Variants in DPP6 observed in about 807,000 individuals in gnomAD.
DPP6 encodes dipeptidyl peptidase like 6, also known as A-type potassium channel modulatory protein DPP6.
A neutral mutation model predicts 122.6 loss-of-function variants in DPP6; 69 were observed. The ratio of observed to expected loss-of-function variants is 0.56; its 90% CI spans 0.46 to 0.69. DPP6 has a LOEUF of 0.69. DPP6 is among the 30% of genes least tolerant of loss of function. The probability of loss-of-function intolerance (pLI) is 0.00; values close to 1 mark genes in which losing one functional copy is unlikely to be tolerated. For missense variants in DPP6, 928 were observed against 1,116.9 expected (o/e 0.83, Z 2.41); for synonymous variants, 418 against 433.1 (o/e 0.97, Z 0.43).
rs1190824151 is a variant in DPP6 at position 154,062,968 on chromosome 7, G to C, written c.243+9905G>C. On this transcript the variant is annotated intron_variant, in intron 1 of 25. Coordinates refer to ENST00000377770, the MANE Select transcript of DPP6 (RefSeq NM_130797.4). ...GAAATTTCAAATCTTCCGACGGCAG[G>C]TACCTTACGTGGAATTACTGAGAGC... Among the ~76,000 whole-genome samples the C allele has an allele frequency of 3.0e-5, 4 of 132,782 alleles. 1 individual carries two copies. Among genetic ancestry groups the C allele is most frequent in the African/African-American group, 1.1e-4 (4 of 36,390 alleles). The allele number at this position is 132,782 out of a possible 152,430, so 87.1% of individuals were successfully genotyped here.
chr7:154,006,693 G>A (rs1157209399), intron 1 of DPP6, among the ~76,000 whole-genome samples: 1 of 152,152 alleles, frequency 6.6e-6, no homozygotes, highest in African/African-American at 2.4e-5. Flanking sequence ...CGAGGCTATG[G>A]TTGTATTTGC....
chr7:154,579,711 C>T (rs1831922590), intron 5 of DPP6, among the ~76,000 whole-genome samples: 1 of 152,152 alleles, frequency 6.6e-6, no homozygotes, highest in Non-Finnish European at 1.5e-5. Context: ...CAGAGAGGAA[C>T]AGAGGCAGAT....
intron 8 of DPP6, among the ~76,000 whole-genome samples, chr7:154,728,979 AT>A (rs1476559232): frequency 1.3e-5 from 2 of 152,124 alleles, no homozygotes; most frequent in African/African-American, 2.4e-5. Context: ...CAATATATGA[AT>A]TTGGGGGGAC....
At chr7:154,872,416 T>C (rs1584946565) in intron 18 of DPP6, among the ~76,000 whole-genome samples, 2 of 152,198 alleles carry the variant, frequency 1.3e-5, no homozygotes, top group East Asian at 1.9e-4. Flanking sequence ...TTCAGAGAAA[T>C]GAAGCTTCAC....
chr7:154,180,442 C>A (rs1291828026), intron 1 of DPP6, among the ~76,000 whole-genome samples: 1 of 140,994 alleles, frequency 7.1e-6, no homozygotes, highest in Non-Finnish European at 1.5e-5. Context: ...TATATATACA[C>A]ATTTATATAT....
At chr7:154,727,979 A>C (rs1459842558) in intron 8 of DPP6, 92 bp downstream of exon 8, 6 of 1,498,698 alleles carry the variant, frequency 4.0e-6, no homozygotes, top group Non-Finnish European at 5.3e-6. Context: ...CTTTGACTTT[A>C]ACTGTAAATT....
intron 1 of DPP6, among the ~76,000 whole-genome samples, chr7:153,950,792 C>T (rs1585078308): frequency 6.6e-6 from 1 of 152,272 alleles, no homozygotes; most frequent in South Asian, 2.1e-4. Flanking sequence ...TGGACATGTA[C>T]AATGGCAAGG....
intron 8 of DPP6, among the ~76,000 whole-genome samples, chr7:154,761,752 G>T (rs1452733044): frequency 1.3e-5 from 2 of 151,952 alleles, no homozygotes; most frequent in African/African-American, 2.4e-5. Context: ...AAGTTCTAGG[G>T]TTTGTTACAT....
chr7:154,837,374 T>G (rs1043982554), intron 16 of DPP6, among the ~76,000 whole-genome samples: 1 of 152,006 alleles, frequency 6.6e-6, no homozygotes, highest in Non-Finnish European at 1.5e-5. Flanking sequence ...ACAGGCACAT[T>G]CACACATGCA....
chr7:154,788,132 C>T (rs1797449535), intron 10 of DPP6, among the ~76,000 whole-genome samples: 1 of 151,916 alleles, frequency 6.6e-6, no homozygotes, highest in South Asian at 2.1e-4. Flanking sequence ...CTTCATAAGT[C>T]AGTGTAGAAT....
chr7:154,615,108 G>A (rs2130823917), intron 5 of DPP6, among the ~76,000 whole-genome samples: 1 of 152,272 alleles, frequency 6.6e-6, no homozygotes, highest in Non-Finnish European at 1.5e-5. Context: ...TTTGCAGGGA[G>A]GCATATTGGG....
chr7:153,757,996 G>C, the DPP6 span, among the ~76,000 whole-genome samples: 1 of 152,250 alleles, frequency 6.6e-6, no homozygotes, highest in East Asian at 1.9e-4. Context: ...CATAGGCAGA[G>C]TGTTTGCTAT....
chr7:154,580,709 C>T (rs543528629), intron 5 of DPP6, among the ~76,000 whole-genome samples: 17 of 152,120 alleles, frequency 1.1e-4, no homozygotes, highest in African/African-American at 3.1e-4. Context: ...GGAAGGCCGA[C>T]GGAGAAGAAA....
chr7:154,246,228 C>T (rs565480873), intron 1 of DPP6, among the ~76,000 whole-genome samples: 14 of 152,096 alleles, frequency 9.2e-5, no homozygotes, highest in Admixed American at 2.0e-4. Flanking sequence ...TCAAGGCTTT[C>T]TGGATACAGC....
the DPP6 span, among the ~76,000 whole-genome samples, chr7:153,840,598 G>A: frequency 1.2e-4 from 19 of 152,104 alleles, no homozygotes; most frequent in Non-Finnish European, 2.8e-4. Context: ...AAAGTGACTT[G>A]GAAATAAACA....
chr7:154,434,925 C>G (rs1018252874), intron 1 of DPP6, among the ~76,000 whole-genome samples: 6 of 152,152 alleles, frequency 3.9e-5, no homozygotes, highest in Non-Finnish European at 7.3e-5. Flanking sequence ...ACCTCTGCCT[C>G]CCAGGTTCTC....
the DPP6 span, among the ~76,000 whole-genome samples, chr7:153,785,330 C>A: frequency 6.6e-6 from 1 of 152,144 alleles, no homozygotes; most frequent in Non-Finnish European, 1.5e-5. Context: ...GAGGGCAGGG[C>A]TGTTTGTGTT....
At chr7:154,384,772 C>T (rs1586123279) in intron 1 of DPP6, among the ~76,000 whole-genome samples, 2 of 145,838 alleles carry the variant, frequency 1.4e-5, no homozygotes, top group African/African-American at 2.6e-5. Context: ...CTCGCTCTGT[C>T]GCCCAGGTGA....
chr7:154,295,167 T>A (rs1805457031), intron 1 of DPP6, among the ~76,000 whole-genome samples: 1 of 152,196 alleles, frequency 6.6e-6, no homozygotes, highest in African/African-American at 2.4e-5. Flanking sequence ...TTTTAAAACA[T>A]GATTTTCAAA....
Sources: allele counts gnomAD v4.1 joint callset (sites outside exome capture counted in the v4.1 genomes callset), GRCh38; gene constraint gnomAD v4.1.1; transcripts MANE v1.5; gene names NCBI Gene and HGNC (gene_info 2026-07-23, HGNC 2026-07-21).